MIPOL1: variants seen among roughly 807,000 people sequenced by gnomAD.
MIPOL1 encodes mirror-image polydactyly 1.
In MIPOL1, 57 loss-of-function variants were observed where a neutral mutation model predicts 60.9. The ratio of observed to expected loss-of-function variants is 0.94; its 90% CI spans 0.76 to 1.17. The LOEUF is 1.17. Ranked by LOEUF, MIPOL1 falls within the 50% of genes most tolerant of loss-of-function variation. The pLI, the probability that MIPOL1 is intolerant of heterozygous loss-of-function variation, is 0.00. For synonymous variants in MIPOL1, 179 were observed against 168.8 expected (o/e 1.06, Z -0.47); for missense variants, 551 against 511.6 (o/e 1.08, Z -0.74).
chr14:37,201,026 C>T (rs1422205969), intron 1 of MIPOL1, among the ~76,000 whole-genome samples: 1 of 150,980 alleles, frequency 6.6e-6, no homozygotes, highest in Non-Finnish European at 1.5e-5. Context: ...CCTCGGCTTC[C>T]CAAGTAGCTA....
At chr14:37,274,422 T>A (rs1297326539) in intron 6 of MIPOL1, among the ~76,000 whole-genome samples, 2 of 151,444 alleles carry the variant, frequency 1.3e-5, no homozygotes, top group East Asian at 3.9e-4. Flanking sequence ...GTCACCATCA[T>A]TGATACTGTT....
At chr14:37,308,673 A>G (rs1373369102) in intron 9 of MIPOL1, among the ~76,000 whole-genome samples, 154 bp downstream of exon 9, 4 of 152,162 alleles carry the variant, frequency 2.6e-5, no homozygotes, top group African/African-American at 9.6e-5. Context: ...TAAAATAATT[A>G]TGTATTTTAT....
intron 7 of MIPOL1, among the ~76,000 whole-genome samples, chr14:37,296,500 A>G (rs1471201987): frequency 6.6e-6 from 1 of 152,234 alleles, no homozygotes; most frequent in East Asian, 1.9e-4. Flanking sequence ...CATTCAAAAA[A>G]TCAATGAATC....
At chr14:37,371,852 T>G (rs1270189932) in intron 10 of MIPOL1, among the ~76,000 whole-genome samples, 1 of 152,162 alleles carries the variant, frequency 6.6e-6, no homozygotes, top group Non-Finnish European at 1.5e-5. Context: ...TATGTACCTT[T>G]AAGTTGTCAT....
intron 11 of MIPOL1, among the ~76,000 whole-genome samples, chr14:37,441,918 G>C (rs2094253100): frequency 6.6e-6 from 1 of 152,088 alleles, no homozygotes; most frequent in African/African-American, 2.4e-5. Context: ...TTTTCCATTT[G>C]TTTCTGTCAG....
intron 1 of MIPOL1, chr14:37,227,718 T>C (rs1969975241): frequency 6.6e-6 from 1 of 152,196 alleles, no homozygotes; most frequent in Non-Finnish European, 1.5e-5. Flanking sequence ...GGTGTTTCAC[T>C]CATACAGAGT....
At chr14:37,511,412 G>T (rs2095326871) in intron 12 of MIPOL1, among the ~76,000 whole-genome samples, 1 of 152,280 alleles carries the variant, frequency 6.6e-6, no homozygotes, top group East Asian at 1.9e-4. Flanking sequence ...GAGTGGTTAT[G>T]TCGAGGTAAA....
intron 1 of MIPOL1, among the ~76,000 whole-genome samples, chr14:37,225,531 C>T (rs1443067676): frequency 6.6e-6 from 1 of 152,130 alleles, no homozygotes; most frequent in Admixed American, 6.5e-5. Flanking sequence ...CTATGGTGGC[C>T]CCTTTCAGCC....
chr14:37,270,553 C>A, intron 6 of MIPOL1, 28 bp downstream of exon 6: 2 of 1,203,084 alleles, frequency 1.7e-6, no homozygotes, highest in African/African-American at 1.6e-5. Flanking sequence ...TAACACATGG[C>A]TTGAAGAATC....
chr14:37,266,895 T>C (rs921483245), intron 3 of MIPOL1, 43 bp from the exon 4 acceptor site: 5 of 1,267,832 alleles, frequency 3.9e-6, no homozygotes, highest in Non-Finnish European at 5.7e-6. Flanking sequence ...TATGCAGTTA[T>C]GGTGTTTAAT....
intron 1 of MIPOL1, among the ~76,000 whole-genome samples, chr14:37,207,367 G>A (rs1465089159): frequency 1.3e-5 from 2 of 152,112 alleles, no homozygotes; most frequent in Non-Finnish European, 2.9e-5. Context: ...ATGTGGAACT[G>A]TGAGTCTATT....
intron 9 of MIPOL1, among the ~76,000 whole-genome samples, chr14:37,362,003 G>A (rs1301505626): frequency 6.6e-6 from 1 of 152,078 alleles, no homozygotes; most frequent in Admixed American, 6.6e-5. Context: ...AGCTATGTGT[G>A]TCTCTGCATG....
In MIPOL1 at chr14:37,266,883, A is replaced by G. The variant is rs958014970; in HGVS notation, c.20-55A>G. On this transcript the variant is annotated intron_variant, in intron 3 of 12. Transcript: ENST00000684589. ...AAATATTTATTTGACTGAATGATTT[A>G]ATATGCAGTTATGGTGTTTAATATA... The G allele has an allele frequency of 2.9e-5, 34 of 1,153,818 alleles. No individual in the cohort carries two copies. The African/African-American group carries it at 3.9e-4, about 13-fold the overall frequency. The allele number at this position is 1,153,818 out of a possible 1,614,324, so 71.5% of individuals were successfully genotyped here.
At chr14:37,201,329 T>C (rs1359012747) in intron 1 of MIPOL1, among the ~76,000 whole-genome samples, 1 of 152,134 alleles carries the variant, frequency 6.6e-6, no homozygotes, top group Non-Finnish European at 1.5e-5. Context: ...CTTGTCTGAA[T>C]TGTTTTTACT....
At position 37,224,453 on chromosome 14, in the gene MIPOL1, C is replaced by T. The variant is rs527835444; in HGVS notation, c.-198-22650C>T. Among the ~76,000 whole-genome samples, 62 of 152,258 alleles carry T rather than the reference C, an allele frequency of 4.1e-4. No homozygotes were observed. The Middle Eastern group carries it at 0.01, about 25-fold the overall frequency. On this transcript the variant is annotated intron_variant, in intron 1 of 12. Transcript: ENST00000684589. The stretch of plus-strand genomic sequence containing the variant: ...CATGAGGATGGAGAGGCCTCACAAT[C>T]GTGGTGGAAGGTGAAAGGCACATCT...
intron 4 of MIPOL1, 70 bp downstream of exon 4, chr14:37,267,239 G>C (rs1466767120): frequency 8.3e-7 from 1 of 1,207,378 alleles, no homozygotes; most frequent in Non-Finnish European, 1.2e-6. Context: ...TGTAATCTCA[G>C]CACTTTGGGA....
chr14:37,407,834 T>C (rs1191051647), intron 10 of MIPOL1, among the ~76,000 whole-genome samples: 1 of 85,112 alleles, frequency 1.2e-5, no homozygotes, highest in African/African-American at 7.5e-5. Flanking sequence ...CTTTTCTTTC[T>C]TCTTCTTCTT....
intron 10 of MIPOL1, among the ~76,000 whole-genome samples, chr14:37,413,368 T>G (rs1181426878): frequency 6.6e-6 from 1 of 152,192 alleles, no homozygotes; most frequent in Non-Finnish European, 1.5e-5. Flanking sequence ...GTTTTCCAGC[T>G]TCTAGAAGCT....
At chr14:37,458,606 G>A (rs1208106257) in intron 11 of MIPOL1, among the ~76,000 whole-genome samples, 1 of 151,970 alleles carries the variant, frequency 6.6e-6, no homozygotes, top group Non-Finnish European at 1.5e-5. Flanking sequence ...ATCACTTGAA[G>A]TCAGGAGTTT....
Sources: gnomAD v4.1 joint callset for allele counts (sites outside exome capture counted in the v4.1 genomes callset) on GRCh38, gnomAD v4.1.1 for gene constraint, MANE v1.5 for transcripts, NCBI Gene and HGNC (gene_info 2026-07-23, HGNC 2026-07-21) for gene names.